FBXO34: variants seen among roughly 807,000 people sequenced by gnomAD.
The protein encoded by FBXO34 is F-box only protein 34.
In FBXO34, 12 loss-of-function variants were observed where a neutral mutation model predicts 24.5. The observed-to-expected ratio is 0.49, with a 90% confidence interval of 0.31 to 0.79. The LOEUF (loss-of-function observed/expected upper bound fraction) is 0.79, where lower values mean the gene tolerates loss of function less well. Ranked by LOEUF, FBXO34 falls within the 30% of genes least tolerant of loss-of-function variation. The probability of loss-of-function intolerance (pLI) is 0.04; values close to 1 mark genes in which losing one functional copy is unlikely to be tolerated. For missense variants in FBXO34, 823 were observed against 857.7 expected (o/e 0.96, Z 0.51); for synonymous variants, 320 against 311.9 (o/e 1.03, Z -0.27).
chr14:55,413,619 G>C, the FBXO34 span: 1 of 438,018 alleles, frequency 2.3e-6, no homozygotes, highest in South Asian at 2.0e-5. Context: ...GGTTCTAAGT[G>C]CTTGTCTGGG....
the FBXO34 span, among the ~76,000 whole-genome samples, chr14:55,383,598 C>CAAA: frequency 0.011 from 1,659 of 150,918 alleles, 14 homozygotes; most frequent in Middle Eastern, 0.027. Context: ...CAAAAAAAAC[C>CAAA]CCCAAGAACA....
chr14:55,417,075 A>G, the FBXO34 span, among the ~76,000 whole-genome samples: 3 of 152,370 alleles, frequency 2.0e-5, no homozygotes, highest in South Asian at 2.1e-4. Context: ...GGGAATGGAC[A>G]TTTGAGGGAT....
chr14:55,335,827 T>A (rs1856560297), intron 1 of FBXO34, among the ~76,000 whole-genome samples: 1 of 152,216 alleles, frequency 6.6e-6, no homozygotes, highest in Admixed American at 6.5e-5. Flanking sequence ...CATATATACA[T>A]AATGAAGCTC....
At chr14:55,277,202 T>A (rs1445689669) in intron 1 of FBXO34, among the ~76,000 whole-genome samples, 1 of 152,268 alleles carries the variant, frequency 6.6e-6, no homozygotes, top group Non-Finnish European at 1.5e-5. Context: ...TACTAGTTCC[T>A]TCTGAAACTA....
At chr14:55,322,655 T>C (rs1267511613) in intron 1 of FBXO34, among the ~76,000 whole-genome samples, 3 of 152,086 alleles carry the variant, frequency 2.0e-5, no homozygotes, top group Non-Finnish European at 2.9e-5. Context: ...GAAATTAACC[T>C]TTTGTGCATA....
chr14:55,427,641 G>C, the FBXO34 span, among the ~76,000 whole-genome samples: 1 of 151,738 alleles, frequency 6.6e-6, no homozygotes, highest in Non-Finnish European at 1.5e-5. Context: ...GAGTCAAGGG[G>C]TTTGGTGTCC....
At chr14:55,410,004 G>T in the FBXO34 span, among the ~76,000 whole-genome samples, 1 of 151,936 alleles carries the variant, frequency 6.6e-6, no homozygotes, top group Admixed American at 6.6e-5. Context: ...TGTAAGATAA[G>T]TTTTGAAGAG....
intron 1 of FBXO34, among the ~76,000 whole-genome samples, chr14:55,301,728 T>C (rs1000382490): frequency 7.9e-5 from 12 of 152,230 alleles, no homozygotes; most frequent in African/African-American, 2.9e-4. Context: ...AGGGATGTCA[T>C]GCCCAGTGTA....
chr14:55,316,243 G>T (rs1372189390), intron 1 of FBXO34, among the ~76,000 whole-genome samples: 1 of 152,038 alleles, frequency 6.6e-6, no homozygotes, highest in Admixed American at 6.6e-5. Context: ...AATTTGCAGG[G>T]CTGAGTACAG....
chr14:55,323,385 T>G (rs577432908), intron 1 of FBXO34, among the ~76,000 whole-genome samples: 54 of 141,578 alleles, frequency 3.8e-4, no homozygotes, highest in African/African-American at 1.4e-3. Context: ...TTAAATTTAT[T>G]TATTTTTTAT....
chr14:55,434,847 C>CT, the FBXO34 span, among the ~76,000 whole-genome samples: 1 of 152,104 alleles, frequency 6.6e-6, no homozygotes, highest in African/African-American at 2.4e-5. Flanking sequence ...CGAATGTGAC[C>CT]TTTTTTCATC....
the FBXO34 span, among the ~76,000 whole-genome samples, chr14:55,410,281 G>A: frequency 6.6e-6 from 1 of 152,200 alleles, no homozygotes; most frequent in African/African-American, 2.4e-5. Flanking sequence ...GGAGATACAA[G>A]TCTGGCAGTC....
chr14:55,316,904 A>G (rs1440549373), intron 1 of FBXO34, among the ~76,000 whole-genome samples: 2 of 151,996 alleles, frequency 1.3e-5, no homozygotes, highest in Admixed American at 6.6e-5. Context: ...TATGCTAGAG[A>G]TGTCTAGCTG....
chr14:55,325,482 A>ATT (rs11374206), intron 1 of FBXO34, among the ~76,000 whole-genome samples: 11 of 149,918 alleles, frequency 7.3e-5, no homozygotes, highest in South Asian at 6.3e-4. Flanking sequence ...AAACTAAATT[A>ATT]TTTTTTTTTT....
At chr14:55,338,683 T>G (rs1883876941) in intron 1 of FBXO34, among the ~76,000 whole-genome samples, 1 of 151,816 alleles carries the variant, frequency 6.6e-6, no homozygotes, top group Non-Finnish European at 1.5e-5. Context: ...CCAAGGTGGG[T>G]GCATCACAAG....
the FBXO34 span, among the ~76,000 whole-genome samples, chr14:55,375,080 A>G: frequency 5.9e-5 from 9 of 152,222 alleles, no homozygotes; most frequent in African/African-American, 1.9e-4. Context: ...CTGGAAAATC[A>G]TAAGGGTTTT....
At chr14:55,372,181 C>T (rs1040697177), downstream of FBXO34, among the ~76,000 whole-genome samples, 6 of 152,116 alleles carry the variant, frequency 3.9e-5, no homozygotes, top group Non-Finnish European at 5.9e-5. Context: ...CTCCTCCCCT[C>T]CCACCTCCCA....
At chr14:55,309,497 G>T (rs1278865132) in intron 1 of FBXO34, among the ~76,000 whole-genome samples, 1 of 152,132 alleles carries the variant, frequency 6.6e-6, no homozygotes, top group Non-Finnish European at 1.5e-5. Context: ...TCCATTTGAG[G>T]GGTTAGGAGA....
the FBXO34 span, among the ~76,000 whole-genome samples, chr14:55,412,488 T>G: frequency 6.6e-6 from 1 of 152,318 alleles, no homozygotes; most frequent in South Asian, 2.1e-4. Context: ...GTACCTTCCC[T>G]ACCCTGGGCC....
Sources: allele counts gnomAD v4.1 joint callset (sites outside exome capture counted in the v4.1 genomes callset), GRCh38; gene constraint gnomAD v4.1.1; transcripts MANE v1.5; gene names NCBI Gene and HGNC (gene_info 2026-07-23, HGNC 2026-07-21).